Variants in TNN observed in about 807,000 individuals in gnomAD.
TNN encodes tenascin N.
In TNN, 122 loss-of-function variants were observed where a neutral mutation model predicts 134.4. That is an observed-to-expected ratio of 0.91 (90% confidence interval 0.78 to 1.06). TNN has a LOEUF of 1.06. TNN is among the 50% of genes least tolerant of loss of function. The probability of loss-of-function intolerance (pLI) is 0.00; values close to 1 mark genes in which losing one functional copy is unlikely to be tolerated. For synonymous variants in TNN, 710 were observed against 670.3 expected, an observed-to-expected ratio of 1.06 and a Z score of -0.91; for missense variants, 1,739 against 1,699.4, an observed-to-expected ratio of 1.02 and a Z score of -0.41.
intron 17 of TNN, among the ~76,000 whole-genome samples, chr1:175,139,578 T>C (rs1404041842): frequency 1.3e-5 from 2 of 150,872 alleles, no homozygotes; most frequent in Non-Finnish European, 2.9e-5. Context: ...TCTTCTTGAA[T>C]ACGTCCCAAA....
chr1:175,080,526 T>C (rs1674175929), intron 4 of TNN, 100 bp downstream of exon 4: 2 of 1,403,954 alleles, frequency 1.4e-6, no homozygotes, highest in Non-Finnish European at 2.0e-6. Flanking sequence ...GATTAGGGGT[T>C]TGAAAAACAC....
intron 15 of TNN, among the ~76,000 whole-genome samples, chr1:175,130,059 T>C (rs933687889): frequency 6.6e-6 from 1 of 152,226 alleles, no homozygotes; most frequent in Non-Finnish European, 1.5e-5. Context: ...TAAGCTGTTT[T>C]TGAGGGTTGC....
rs1675432298 is a variant in TNN at position 175,123,506 on chromosome 1, C to T, written c.2757C>T (p.Tyr919=). Residue 919 remains tyrosine, a synonymous_variant, in exon 12 of 19, where the codon TAC becomes TAT. Transcript: ENST00000239462. The part of the protein sequence containing the change: ...QATIDKYMVR[Y]TSADGETREV... ...CCATTGACAAGTACATGGTGCGCTA[C>T]ACCTCTGCTGACGGAGAGACCAGGG... 8.1e-6 allele frequency: 13 copies of T among 1,614,092 alleles called. No homozygotes were observed. Among genetic ancestry groups the T allele is most frequent in the Non-Finnish European group, 1.1e-5 (13 of 1,179,940 alleles).
In TNN at chr1:175,083,896, C is replaced by G; in HGVS notation, c.1195C>G (p.Pro399Ala). 6.2e-7 allele frequency: 1 copy of G among 1,614,092 alleles called. No individual in the cohort carries two copies. Reference sequence around the variant, plus strand: ...ACAGGAGGTAGCTGAGGTCACTGTGCCCAAGAGCAGTGACCCCAAGAGCCG... The same window carrying G: ...ACAGGAGGTAGCTGAGGTCACTGTGGCCAAGAGCAGTGACCCCAAGAGCCG... The part of the protein sequence containing the change: ...TGQEVAEVTV[P>A]KSSDPKSRYD... The change falls in exon 5 of 19, where the codon CCC becomes GCC. Residue 399 changes from proline (P) to alanine (A), a missense_variant. Pro to Ala is a conservative substitution (Grantham distance 27). Coordinates refer to ENST00000239462, the MANE Select transcript of TNN (RefSeq NM_022093.2).
intron 9 of TNN, among the ~76,000 whole-genome samples, chr1:175,112,320 A>G (rs139169633): frequency 0.018 from 2,734 of 152,102 alleles, 79 homozygotes; most frequent in African/African-American, 0.062. Flanking sequence ...CTATTCTTGC[A>G]TCCCTGTGAT....
Position 175,146,120 on chromosome 1 carries a change from G to T in TNN, c.3760-811G>T, listed in dbSNP as rs552307174. 5.3e-5 allele frequency among the ~76,000 whole-genome samples: 8 copies of T among 152,134 alleles called. 1 individual carries two copies. The highest frequency in any genetic ancestry group is 1.0e-4 in the Non-Finnish European group (7 of 68,012). On this transcript the variant is annotated intron_variant, in intron 18 of 18. Transcript: ENST00000239462. ...ATTTTTCAAAGGGAAGAAGAAATTT[G>T]CCCCCAGGGAAGCTGGGGAGGGTGG...
At chr1:175,114,478 T>A (rs1219193135) in intron 9 of TNN, among the ~76,000 whole-genome samples, 1 of 152,238 alleles carries the variant, frequency 6.6e-6, no homozygotes, top group Non-Finnish European at 1.5e-5. Context: ...TGGGGTCAGG[T>A]CTGACATGGC....
At chr1:175,115,014 C>T (rs1457074699) in intron 9 of TNN, among the ~76,000 whole-genome samples, 2 of 152,052 alleles carry the variant, frequency 1.3e-5, no homozygotes, top group Admixed American at 1.3e-4. Context: ...ACTCTACTCC[C>T]TGGGAGAAGA....
intron 14 of TNN, 78 bp from the exon 15 acceptor site, chr1:175,128,517 T>A (rs1675588160): frequency 1.4e-6 from 2 of 1,443,234 alleles, no homozygotes; most frequent in African/African-American, 2.9e-5. Flanking sequence ...CAAAATAAAT[T>A]GCCTTAAAAT....
chr1:175,107,356 T>A lies in TNN; in HGVS notation c.2119+8761T>A, dbSNP rs1046821132. ...CTGGAGTCTGTCCCTTCTGATGTTC[T>A]GATGTGTTCGGAGTTTCTTCCTTCT... On this transcript the variant is annotated intron_variant, in intron 9 of 18. Coordinates refer to ENST00000239462, the MANE Select transcript of TNN (RefSeq NM_022093.2). Among the ~76,000 whole-genome samples the A allele has an allele frequency of 2.6e-4, 35 of 135,976 alleles. 1 individual carries two copies. Among genetic ancestry groups the A allele is most frequent in the African/African-American group, 4.2e-4 (16 of 37,788 alleles). 89.2% of individuals were successfully genotyped at this position (135,976 alleles called of 152,430 possible).
chr1:175,079,698 T>A lies in TNN; in HGVS notation c.775T>A (p.Cys259Ser), dbSNP rs535429156. The A allele has an allele frequency of 3.8e-6, 6 of 1,596,378 alleles. No homozygotes were observed. In the Admixed American group the frequency reaches 8.5e-5, roughly 23 times the overall value. The change falls in exon 3 of 19, where the codon TGT becomes AGT. Residue 259 changes from cysteine (C) to serine (S), a missense_variant. By Grantham distance (112) the Cys-to-Ser change is moderately radical (BLOSUM62 -1). Coordinates refer to ENST00000239462, the MANE Select transcript of TNN (RefSeq NM_022093.2). ...CGAGGAGGGCTTCACAGGCCTGGAC[T>A]GTGCCCAGGGTGAGAGCGGAGATGT... Reference protein sequence around the residue: ...YCEEGFTGLDCAQVVTPQGLQ... With the variant: ...YCEEGFTGLDSAQVVTPQGLQ...
intron 1 of TNN, among the ~76,000 whole-genome samples, chr1:175,073,586 G>A (rs1360578097): frequency 6.6e-6 from 1 of 152,196 alleles, no homozygotes. Flanking sequence ...GCTGGAACCT[G>A]CAGAGAAGCT....
At chr1:175,126,844 G>T in intron 12 of TNN, 111 bp from the exon 13 acceptor site, 2 of 1,222,166 alleles carry the variant, frequency 1.6e-6, no homozygotes, top group Non-Finnish European at 2.2e-6. Flanking sequence ...CTTGAAAGAA[G>T]GAGGAGAAAT....
chr1:175,127,438 T>A (rs1288404777), intron 13 of TNN, among the ~76,000 whole-genome samples: 1 of 152,122 alleles, frequency 6.6e-6, no homozygotes, highest in Non-Finnish European at 1.5e-5. Context: ...CCTGTCCCAA[T>A]GGAAAATTAT....
chr1:175,089,441 GC>G (rs1674391409), intron 6 of TNN, among the ~76,000 whole-genome samples: 1 of 152,186 alleles, frequency 6.6e-6, no homozygotes, highest in South Asian at 2.1e-4. Flanking sequence ...AGCTTAAGGA[GC>G]AGCAAGCATA....
chr1:175,079,841 G>T, intron 3 of TNN, 134 bp downstream of exon 3: 1 of 1,274,672 alleles, frequency 7.8e-7, no homozygotes, highest in Non-Finnish European at 1.0e-6. Context: ...CAACCCCAGA[G>T]TTTCTGATTC....
chr1:175,131,915 ATT>A (rs1167619937), intron 15 of TNN, among the ~76,000 whole-genome samples: 1 of 58,780 alleles, frequency 1.7e-5, no homozygotes, highest in African/African-American at 9.8e-5. Flanking sequence ...ATGAAGTATT[ATT>A]ACACACACAC....
chr1:175,134,544 C>CAAA (rs33947435), intron 15 of TNN, among the ~76,000 whole-genome samples: 2,866 of 146,778 alleles, frequency 0.02, 82 homozygotes, highest in African/African-American at 0.059. Context: ...GACTCCATCT[C>CAAA]AAAAAACAAA....
intron 6 of TNN, among the ~76,000 whole-genome samples, chr1:175,090,029 C>T (rs373396778): frequency 1.3e-5 from 2 of 152,138 alleles, no homozygotes; most frequent in East Asian, 3.9e-4. Flanking sequence ...ATCATTTGCG[C>T]GATCACTGTA....
Sources: allele counts gnomAD v4.1 joint callset (sites outside exome capture counted in the v4.1 genomes callset), GRCh38; gene constraint gnomAD v4.1.1; transcripts MANE v1.5; gene names NCBI Gene and HGNC (gene_info 2026-07-23, HGNC 2026-07-21).